MYO9A: variants seen among roughly 807,000 people sequenced by gnomAD.
The protein encoded by MYO9A is unconventional myosin-IXa.
In MYO9A, 103 loss-of-function variants were observed where a neutral mutation model predicts 293.3. The observed-to-expected ratio is 0.35, with a 90% CI of 0.30 to 0.41. The LOEUF (loss-of-function observed/expected upper bound fraction) is 0.41, where lower values mean the gene tolerates loss of function less well. Among genes scored for constraint, MYO9A ranks in the 10% least tolerant of loss-of-function variants. The pLI is 1.00. For synonymous variants in MYO9A, 1,001 were observed against 1,035.7 expected, an observed-to-expected ratio of 0.97 and a Z score of 0.64; for missense variants, 2,685 against 3,033.0, an observed-to-expected ratio of 0.89 and a Z score of 2.69.
chr15:72,006,220 C>T (rs776971349), intron 8 of MYO9A, among the ~76,000 whole-genome samples: 3 of 151,998 alleles, frequency 2.0e-5, no homozygotes, highest in Non-Finnish European at 4.4e-5. Context: ...ACTACAGGTA[C>T]ACGTCACCAC....
At chr15:71,992,680 G>A (rs1489723495) in intron 10 of MYO9A, among the ~76,000 whole-genome samples, 1 of 151,944 alleles carries the variant, frequency 6.6e-6, no homozygotes, top group Non-Finnish European at 1.5e-5. Flanking sequence ...TTTTTAATCA[G>A]TCTGACAAGG....
In MYO9A at chr15:71,905,010, C is replaced by T; in HGVS notation, c.2686-4G>A. ...CCATTAGCTTGCTTAATGATGCCTG[C>T]AACAGAAAGCAATATAATTATCATA... On this transcript the variant is annotated splice_polypyrimidine_tract_variant and splice_region_variant and intron_variant, in intron 19 of 41. Transcript: ENST00000356056. 6.3e-7 allele frequency: 1 copy of T among 1,595,832 alleles called. No homozygotes were observed. Among genetic ancestry groups the T allele is most frequent in the Non-Finnish European group, 8.6e-7 (1 of 1,167,812 alleles).
chr15:71,907,861 T>C (rs1567257648), intron 19 of MYO9A, among the ~76,000 whole-genome samples: 2 of 152,164 alleles, frequency 1.3e-5, no homozygotes, highest in Admixed American at 6.5e-5. Flanking sequence ...GTCAGATGAG[T>C]AGATTGCAAA....
intron 14 of MYO9A, among the ~76,000 whole-genome samples, chr15:71,954,417 G>C (rs899238278): frequency 1.3e-5 from 2 of 152,108 alleles, no homozygotes; most frequent in African/African-American, 4.8e-5. Flanking sequence ...TGTTAGCCAG[G>C]ATGGTCTCTA....
chr15:71,855,374 G>C (rs2055825363), intron 34 of MYO9A, among the ~76,000 whole-genome samples: 1 of 152,166 alleles, frequency 6.6e-6, no homozygotes, highest in Non-Finnish European at 1.5e-5. Flanking sequence ...GACCTCAAGT[G>C]ATCTGCCCGC....
intron 32 of MYO9A, among the ~76,000 whole-genome samples, chr15:71,865,207 C>T (rs1206690650): frequency 6.6e-6 from 1 of 152,106 alleles, no homozygotes; most frequent in Non-Finnish European, 1.5e-5. Flanking sequence ...TGCTTGAATA[C>T]ACAAGTTTTA....
At chr15:71,978,118 G>A (rs2147826266) in intron 12 of MYO9A, 53 bp downstream of exon 12, 1 of 1,590,472 alleles carries the variant, frequency 6.3e-7, no homozygotes, top group Non-Finnish European at 8.5e-7. Flanking sequence ...AAACTTAAAA[G>A]GAGATAAAAA....
chr15:72,107,247 T>G (rs964846638), intron 1 of MYO9A, among the ~76,000 whole-genome samples: 1 of 152,104 alleles, frequency 6.6e-6, no homozygotes, highest in Non-Finnish European at 1.5e-5. Flanking sequence ...ACCTAAATAG[T>G]GGTTTCTAAA....
At chr15:71,872,753 A>G (rs899529776) in intron 32 of MYO9A, among the ~76,000 whole-genome samples, 2 of 152,118 alleles carry the variant, frequency 1.3e-5, no homozygotes, top group African/African-American at 4.8e-5. Context: ...ATACTCCCAG[A>G]TATTTTATAT....
At chr15:72,076,167 T>C (rs1273240140) in intron 1 of MYO9A, among the ~76,000 whole-genome samples, 1 of 152,070 alleles carries the variant, frequency 6.6e-6, no homozygotes, top group Non-Finnish European at 1.5e-5. Context: ...TATCCAGGCA[T>C]GGTGCCATGT....
In MYO9A at chr15:71,928,025, C is replaced by CT. The variant is rs1567281961; in HGVS notation, c.2562+5644dup. 1.7e-3 allele frequency among the ~76,000 whole-genome samples: 43 copies of CT among 25,596 alleles called. 1 individual carries two copies. The highest frequency in any genetic ancestry group is 3.5e-3 in the African/African-American group (30 of 8,634). The allele number at this position is 25,596 out of a possible 152,430, so 16.8% of individuals were successfully genotyped here. ...ATGCTGTTTTGATTACAATACCTTTCTAATATATATATATATATATATATA... is the reference window on the plus strand; with the variant it reads ...ATGCTGTTTTGATTACAATACCTTTCTTAATATATATATATATATATATATA... On this transcript the variant is annotated intron_variant, in intron 18 of 41. Coordinates refer to ENST00000356056, the MANE Select transcript of MYO9A (RefSeq NM_006901.4).
intron 8 of MYO9A, among the ~76,000 whole-genome samples, chr15:72,003,191 C>A (rs914453787): frequency 6.6e-6 from 1 of 151,216 alleles, no homozygotes; most frequent in Non-Finnish European, 1.5e-5. Flanking sequence ...ATCGCTTGAA[C>A]CTGGGAGGCA....
intron 3 of MYO9A, among the ~76,000 whole-genome samples, chr15:72,028,182 G>A (rs1022942843): frequency 1.4e-5 from 2 of 142,732 alleles, no homozygotes; most frequent in Non-Finnish European, 3.0e-5. Flanking sequence ...GGGTGACAGA[G>A]TGAGAATCTG....
chr15:71,991,263 TA>T, intron 10 of MYO9A, 26 bp from the exon 11 acceptor site: 2 of 1,534,284 alleles, frequency 1.3e-6, no homozygotes, highest in South Asian at 2.4e-5. Context: ...AAGTTTTGAT[TA>T]AAAGTAATGT....
chr15:71,893,593 G>C lies in MYO9A; in HGVS notation c.5142+86C>G, dbSNP rs1031835460. ...ACTTGGGAGTAAATGGGTAGATGAG[G>C]TGCTCTACCTACAAGAATAATAATT... On this transcript the variant is annotated intron_variant, in intron 26 of 41. Coordinates refer to ENST00000356056, the MANE Select transcript of MYO9A (RefSeq NM_006901.4). The C allele has an allele frequency of 8.8e-6, 9 of 1,017,400 alleles. No individual in the cohort carries two copies. The South Asian group carries it at 1.3e-4, about 15-fold the overall frequency. 63.0% of individuals were successfully genotyped at this position (1,017,400 alleles called of 1,614,324 possible). A position where few individuals can be genotyped will look rare whatever the true frequency, so the allele number is the denominator to read the frequency against.
Position 71,978,179 on chromosome 15 carries a change from T to C in MYO9A, c.1836A>G (p.Glu612=), listed in dbSNP as rs1354678385. Residue 612 remains glutamate (E), a synonymous_variant, in exon 12 of 42, where the codon GAA becomes GAG. Coordinates refer to ENST00000356056, the MANE Select transcript of MYO9A (RefSeq NM_006901.4). ...KPTGLLHLLD[E]ESNFPQATNQ... ...AAAAGAATCACACTCACTTGCTTTC[T>C]TCATCCAAAAGATGAAGCAGTCCTG... 3 of 1,611,626 alleles carry C rather than the reference T, an allele frequency of 1.9e-6. No individual in the cohort carries two copies. In the South Asian group the frequency reaches 3.3e-5, roughly 18 times the overall value.
At chr15:71,874,669 T>A (rs2056626224) in intron 32 of MYO9A, among the ~76,000 whole-genome samples, 2 of 152,198 alleles carry the variant, frequency 1.3e-5, no homozygotes, top group Admixed American at 1.3e-4. Context: ...GACTCATAGT[T>A]CATCGGACTG....
At chr15:71,981,980 T>C (rs1338940785) in intron 11 of MYO9A, among the ~76,000 whole-genome samples, 1 of 150,732 alleles carries the variant, frequency 6.6e-6, no homozygotes, top group African/African-American at 2.4e-5. Flanking sequence ...TATTTTCTAA[T>C]TGTTCAACCT....
chr15:72,109,388 TA>T (rs781514196), intron 1 of MYO9A, among the ~76,000 whole-genome samples: 517 of 124,742 alleles, frequency 4.1e-3, no homozygotes, highest in Middle Eastern at 0.012. Flanking sequence ...AGGCTCTGTC[TA>T]AAAAAAAAAA....
Sources: allele counts gnomAD v4.1 joint callset (sites outside exome capture counted in the v4.1 genomes callset), GRCh38; gene constraint gnomAD v4.1.1; transcripts MANE v1.5; gene names NCBI Gene and HGNC (gene_info 2026-07-23, HGNC 2026-07-21).